CNPY1: variants seen among roughly 807,000 people sequenced by gnomAD.
The protein encoded by CNPY1 is protein canopy homolog 1.
In CNPY1, 14 loss-of-function variants were observed where a neutral mutation model predicts 14.4. The observed-to-expected ratio is 0.97, with a 90% CI of 0.64 to 1.52. CNPY1 has a LOEUF of 1.52. Among genes scored for constraint, CNPY1 ranks in the 40% most tolerant of loss-of-function variants. The probability of loss-of-function intolerance (pLI) is 0.00; values close to 1 mark genes in which losing one functional copy is unlikely to be tolerated. For synonymous variants in CNPY1, 43 were observed against 46.5 expected (o/e 0.92, Z 0.31); for missense variants, 129 against 131.5 (o/e 0.98, Z 0.09).
intron 2 of CNPY1, among the ~76,000 whole-genome samples, chr7:155,515,082 A>C (rs1380028667): frequency 6.6e-6 from 1 of 152,152 alleles, no homozygotes; most frequent in Admixed American, 6.5e-5. Flanking sequence ...GCATGCACAC[A>C]CATGGATTAT....
intron 2 of CNPY1, among the ~76,000 whole-genome samples, chr7:155,534,821 G>A (rs1305881419): frequency 2.6e-5 from 4 of 152,206 alleles, no homozygotes; most frequent in Non-Finnish European, 4.4e-5. Context: ...GGGAGCGGGC[G>A]CTGGGCGGCT....
intron 2 of CNPY1, among the ~76,000 whole-genome samples, chr7:155,514,225 T>G (rs1280926672): frequency 6.6e-6 from 1 of 152,250 alleles, no homozygotes; most frequent in Non-Finnish European, 1.5e-5. Context: ...ACAAATACAC[T>G]TCTCTAATTC....
intron 2 of CNPY1, among the ~76,000 whole-genome samples, chr7:155,527,642 G>A (rs1796854705): frequency 6.7e-6 from 1 of 149,494 alleles, no homozygotes; most frequent in Non-Finnish European, 1.5e-5. Context: ...TGTGGAGACA[G>A]GATCTCCCTG....
chr7:155,506,014 C>G (rs1226676711), intron 4 of CNPY1, among the ~76,000 whole-genome samples: 1 of 152,174 alleles, frequency 6.6e-6, no homozygotes, highest in Non-Finnish European at 1.5e-5. Flanking sequence ...TTTACCTGTT[C>G]TGTTAATGGG....
At chr7:155,532,489 T>C (rs7789871) in intron 2 of CNPY1, among the ~76,000 whole-genome samples, 32,146 of 151,890 alleles carry the variant, frequency 0.21, 3,461 homozygotes, top group South Asian at 0.4. Flanking sequence ...GGCACGGTGG[T>C]GGGCGCCTGT....
intron 2 of CNPY1, among the ~76,000 whole-genome samples, chr7:155,513,740 C>T (rs563913691): frequency 2.0e-5 from 3 of 150,820 alleles, no homozygotes; most frequent in East Asian, 1.9e-4. Context: ...AAAAAAAAGG[C>T]GTAATGAATC....
intron 2 of CNPY1, among the ~76,000 whole-genome samples, chr7:155,542,082 G>T (rs1230094056): frequency 6.6e-6 from 1 of 152,132 alleles, no homozygotes; most frequent in East Asian, 1.9e-4. Context: ...CCTAGAAGCC[G>T]GTGCAGAACA....
At chr7:155,528,666 C>A (rs1276695885) in intron 2 of CNPY1, among the ~76,000 whole-genome samples, 1 of 152,240 alleles carries the variant, frequency 6.6e-6, no homozygotes, top group Non-Finnish European at 1.5e-5. Flanking sequence ...TGCCACAAAG[C>A]GTCAGAGACT....
At chr7:155,531,495 G>A (rs1356351219) in intron 2 of CNPY1, among the ~76,000 whole-genome samples, 2 of 152,164 alleles carry the variant, frequency 1.3e-5, no homozygotes, top group Non-Finnish European at 2.9e-5. Context: ...GTTGGACGCC[G>A]CCAAGCCTTC....
chr7:155,522,148 A>G (rs1226534542), intron 2 of CNPY1, among the ~76,000 whole-genome samples: 1 of 152,196 alleles, frequency 6.6e-6, no homozygotes, highest in African/African-American at 2.4e-5. Context: ...TGCATCTTCT[A>G]CCTGTTGGCA....
chr7:155,543,367 A>G (rs1217455526), intron 2 of CNPY1, among the ~76,000 whole-genome samples: 1 of 152,112 alleles, frequency 6.6e-6, no homozygotes, highest in Non-Finnish European at 1.5e-5. Context: ...TAGCCCCCGC[A>G]GTAACACCAG....
chr7:155,528,078 C>T (rs1235157603), intron 2 of CNPY1, among the ~76,000 whole-genome samples: 2 of 152,196 alleles, frequency 1.3e-5, no homozygotes, highest in Non-Finnish European at 2.9e-5. Context: ...CAGCAGAGCT[C>T]TCTAGAACAC....
intron 2 of CNPY1, among the ~76,000 whole-genome samples, chr7:155,537,743 C>T (rs1009036733): frequency 5.3e-5 from 8 of 151,934 alleles, no homozygotes; most frequent in East Asian, 1.9e-4. Context: ...ATATTTTATA[C>T]GAAACAAAAT....
At chr7:155,517,372 C>CA (rs1796641125) in intron 2 of CNPY1, among the ~76,000 whole-genome samples, 1 of 152,214 alleles carries the variant, frequency 6.6e-6, no homozygotes, top group African/African-American at 2.4e-5. Flanking sequence ...TTCCAGCCTC[C>CA]AGAGCCATGC....
chr7:155,536,686 AG>A lies in CNPY1; in HGVS notation c.99+9144del, dbSNP rs969790161. On this transcript the variant is annotated intron_variant, in intron 2 of 4. Coordinates refer to ENST00000636446, the MANE Select transcript of CNPY1 (RefSeq NM_001393663.1). This position sits in a 1 kb window ranked among gnomAD's most constrained non-coding sequence, Gnocchi z 4.1. ...GATGAACAGGACTCGGGCTTGGAGG[AG>A]GAGGAGCCACAAGACAGAAGGGCCT... Among the ~76,000 whole-genome samples the A allele has an allele frequency of 2.6e-5, 4 of 152,070 alleles. No homozygotes were observed. The highest frequency in any genetic ancestry group is 7.2e-5 in the African/African-American group (3 of 41,410).
In CNPY1 at chr7:155,536,833, T is replaced by C. The variant is rs1201161667; in HGVS notation, c.99+8998A>G. ...CACACTGACACCAGGCAGTGTATGA[T>C]ACTTAAACTATTCTGACAAACACCA... On this transcript the variant is annotated intron_variant, in intron 2 of 4. Transcript: ENST00000636446. This position sits in a 1 kb window ranked among gnomAD's most constrained non-coding sequence, Gnocchi z 4.1. Among the ~76,000 whole-genome samples, 3 of 152,234 alleles carry C rather than the reference T, an allele frequency of 2.0e-5. No individual in the cohort carries two copies. The highest frequency in any genetic ancestry group is 4.4e-5 in the Non-Finnish European group (3 of 68,046).
chr7:155,537,582 C>T (rs1304168160), intron 2 of CNPY1, among the ~76,000 whole-genome samples: 1 of 152,064 alleles, frequency 6.6e-6, no homozygotes, highest in Non-Finnish European at 1.5e-5. Flanking sequence ...TGCCATCACA[C>T]CCCGCTAATT....
chr7:155,542,731 C>T (rs1358458989), intron 2 of CNPY1, among the ~76,000 whole-genome samples: 1 of 152,248 alleles, frequency 6.6e-6, no homozygotes, highest in African/African-American at 2.4e-5. Context: ...CCCACATCCA[C>T]ACCAGGGACT....
At chr7:155,509,807 C>T (rs1051678915) in intron 2 of CNPY1, among the ~76,000 whole-genome samples, 1 of 152,202 alleles carries the variant, frequency 6.6e-6, no homozygotes, top group Non-Finnish European at 1.5e-5. Flanking sequence ...CCTCTCCCTC[C>T]GGAATTCGGC....
Sources: allele counts gnomAD v4.1 joint callset (sites outside exome capture counted in the v4.1 genomes callset), GRCh38; gene constraint gnomAD v4.1.1; non-coding constraint Gnocchi (gnomAD v3.1); transcripts MANE v1.5; gene names NCBI Gene and HGNC (gene_info 2026-07-23, HGNC 2026-07-21).